The following ZNF254 variants were observed in gnomAD, a reference collection of about 807,000 sequenced individuals.
ZNF254 encodes the protein CTD-2017D11.1.
Under a neutral mutation model 12.4 loss-of-function variants are expected in ZNF254, and 10 were observed. The observed-to-expected ratio is 0.80, with a 90% CI of 0.50 to 1.36. The LOEUF (loss-of-function observed/expected upper bound fraction) is 1.36, where lower values mean the gene tolerates loss of function less well. Among genes scored for constraint, ZNF254 ranks in the 40% most tolerant of loss-of-function variants. The pLI is 0.00. For synonymous variants in ZNF254, 305 were observed against 253.4 expected, an observed-to-expected ratio of 1.20 and a Z score of -1.93; for missense variants, 996 against 763.9, an observed-to-expected ratio of 1.30 and a Z score of -3.58.
chr19:24,116,083 T>C (rs2145904572), intron 3 of ZNF254, among the ~76,000 whole-genome samples: 1 of 152,356 alleles, frequency 6.6e-6, no homozygotes, highest in Middle Eastern at 3.4e-3. Context: ...TCCGATGGGC[T>C]TCCCTTTGTG....
In ZNF254 at chr19:24,055,232, A is replaced by AAAAAAG. The variant is rs1555753129; in HGVS notation, c.-94+8953_-94+8954insAAAAAG. On this transcript the variant is annotated intron_variant, in intron 2 of 4. Coordinates refer to the ZNF254 transcript ENST00000613065. ...AAAAAAAAAAAAAAAAAAAAAAAAA[A>AAAAAAG]GAGTGTACTAACAAGACCCAGCACA... 1.8e-3 allele frequency among the ~76,000 whole-genome samples: 226 copies of AAAAAAG among 122,626 alleles called. 13 individuals carry two copies. The highest frequency in any genetic ancestry group is 3.3e-3 in the Non-Finnish European group (182 of 55,424). 80.4% of individuals were successfully genotyped at this position (122,626 alleles called of 152,430 possible).
At chr19:24,090,457 G>C (rs1192949393) in intron 1 of ZNF254, among the ~76,000 whole-genome samples, 1 of 152,114 alleles carries the variant, frequency 6.6e-6, no homozygotes, top group Non-Finnish European at 1.5e-5. Flanking sequence ...TCGTTGTCTT[G>C]AGACAGTTTC....
At chr19:24,038,178 G>A (rs927783694) in intron 1 of ZNF254, among the ~76,000 whole-genome samples, 57 of 152,178 alleles carry the variant, frequency 3.7e-4, no homozygotes, top group African/African-American at 1.4e-3. Flanking sequence ...TATTTAAAAT[G>A]TAAATAGCAA....
chr19:24,102,921 T>TA (rs1973120328), intron 1 of ZNF254, among the ~76,000 whole-genome samples: 1 of 152,180 alleles, frequency 6.6e-6, no homozygotes, highest in East Asian at 1.9e-4. Context: ...GAAGAGGAAA[T>TA]AAAAATGCTG....
intron 2 of ZNF254, among the ~76,000 whole-genome samples, chr19:24,070,050 T>C (rs1470373600): frequency 6.6e-6 from 1 of 152,354 alleles, no homozygotes; most frequent in Middle Eastern, 3.4e-3. Flanking sequence ...GACTGTGATA[T>C]GCAAACATCG....
chr19:24,078,485 C>G (rs1480420555), intron 2 of ZNF254: 1 of 152,184 alleles, frequency 6.6e-6, no homozygotes, highest in East Asian at 1.9e-4. Context: ...CAAAAAGACT[C>G]ACTTTCAATG....
At chr19:24,084,575 A>G (rs1489719972), upstream of ZNF254, among the ~76,000 whole-genome samples, 1 of 152,064 alleles carries the variant, frequency 6.6e-6, no homozygotes, top group African/African-American at 2.4e-5. Context: ...AATAATAAAC[A>G]AAAAATAATC....
rs916929015 is a variant in ZNF254, at chr19:24,069,684, G to A, written c.-94+23405G>A. Among the ~76,000 whole-genome samples, 6 of 151,536 alleles carry A rather than the reference G, an allele frequency of 4.0e-5. No homozygotes were observed. In the East Asian group the frequency reaches 7.8e-4, roughly 20 times the overall value. On this transcript the variant is annotated intron_variant, in intron 2 of 4. Coordinates refer to the ZNF254 transcript ENST00000613065. ...TGTAATCTCAGCACTTTGGGAGGCC[G>A]GCTCACGCCTGTAATCTCAGCACTT...
At chr19:24,088,080 T>C (rs1023652510) in intron 1 of ZNF254, among the ~76,000 whole-genome samples, 2 of 151,814 alleles carry the variant, frequency 1.3e-5, no homozygotes, top group East Asian at 1.9e-4. Context: ...CACAATTTTT[T>C]TATTTTTAGT....
intron 3 of ZNF254, among the ~76,000 whole-genome samples, chr19:24,108,243 G>A (rs1409876484): frequency 6.6e-6 from 1 of 152,156 alleles, no homozygotes. Flanking sequence ...CTCTAAATGG[G>A]TGTATTTCTC....
chr19:24,119,952 C>G (rs1974366956), intron 3 of ZNF254, among the ~76,000 whole-genome samples: 1 of 151,870 alleles, frequency 6.6e-6, no homozygotes, highest in South Asian at 2.1e-4. Flanking sequence ...GTTTTGCATA[C>G]TTTCTATAAA....
chr19:24,092,464 C>G (rs993555881), intron 1 of ZNF254, among the ~76,000 whole-genome samples: 1 of 152,122 alleles, frequency 6.6e-6, no homozygotes, highest in Non-Finnish European at 1.5e-5. Flanking sequence ...TGAGCCATCA[C>G]GCTGGGCCAA....
chr19:24,063,864 C>T (rs1368792413), intron 2 of ZNF254: 1 of 151,114 alleles, frequency 6.6e-6, no homozygotes, highest in Non-Finnish European at 1.5e-5. Flanking sequence ...TGTGAGTCCT[C>T]TGCCTGAAGC....
chr19:24,127,143 A>T lies in ZNF254; in HGVS notation c.1143A>T (p.Leu381Phe). ...CTGGAGAGAAACGCTACAAATGCTT[A>T]GAATGTGGCAAAGCTTTTAAGCAAC... is the stretch of plus-strand genomic sequence containing the variant. Reference protein sequence around the residue: ...IHTGEKRYKCLECGKAFKQLS... With the variant: ...IHTGEKRYKCFECGKAFKQLS... Residue 381 changes from leucine to phenylalanine, a missense_variant, in exon 4 of 4, where the codon TTA becomes TTT. By Grantham distance (22) the Leu-to-Phe change is conservative. Transcript: ENST00000357002. The T allele has an allele frequency of 1.2e-6, 2 of 1,613,682 alleles. No individual in the cohort carries two copies. The highest frequency in any genetic ancestry group is 1.7e-6 in the Non-Finnish European group (2 of 1,179,836).
intron 3 of ZNF254, among the ~76,000 whole-genome samples, chr19:24,110,969 T>G (rs1973637445): frequency 6.6e-6 from 1 of 152,126 alleles, no homozygotes; most frequent in African/African-American, 2.4e-5. Context: ...AATATTATTA[T>G]ACTACAAGTT....
chr19:24,092,744 T>G (rs1972466987), intron 1 of ZNF254, among the ~76,000 whole-genome samples: 1 of 152,238 alleles, frequency 6.6e-6, no homozygotes, highest in South Asian at 2.1e-4. Flanking sequence ...ATGTCTTTGC[T>G]ATTGTGAATA....
In ZNF254 at chr19:24,087,906, G is replaced by GTT. The variant is rs766484656; in HGVS notation, c.30+586_30+587dup. On this transcript the variant is annotated intron_variant, in intron 1 of 3. Transcript: ENST00000357002. Reference sequence around the variant, plus strand: ...GCTAGGTACAGCAATCTAGGTTGTCGTTTTTTTTTTTTTTTTTTCTTTTTT... The same window carrying GTT: ...GCTAGGTACAGCAATCTAGGTTGTCGTTTTTTTTTTTTTTTTTTTTCTTTTTT... 3.2e-4 allele frequency among the ~76,000 whole-genome samples: 40 copies of GTT among 126,344 alleles called. 1 individual carries two copies. The highest frequency in any genetic ancestry group is 3.6e-4 in the Non-Finnish European group (22 of 60,756). 82.9% of individuals were successfully genotyped at this position (126,344 alleles called of 152,430 possible).
chr19:24,059,024 A>G (rs554599557), intron 2 of ZNF254, among the ~76,000 whole-genome samples: 7 of 152,280 alleles, frequency 4.6e-5, no homozygotes, highest in Non-Finnish European at 8.8e-5. Flanking sequence ...TCTTCTTTCT[A>G]GGTTCCACCT....
intron 1 of ZNF254, among the ~76,000 whole-genome samples, chr19:24,099,392 C>CCA (rs972730269): frequency 3.4e-4 from 52 of 152,170 alleles, no homozygotes; most frequent in African/African-American, 1.2e-3. Context: ...GAGCCCTGCG[C>CCA]TATGGGCTGT....
Sources: allele counts gnomAD v4.1 joint callset (sites outside exome capture counted in the v4.1 genomes callset), GRCh38; gene constraint gnomAD v4.1.1; transcripts MANE v1.5; gene names NCBI Gene and HGNC (gene_info 2026-07-23, HGNC 2026-07-21).